Variants in CLCN5 observed in about 807,000 individuals in gnomAD.
The protein encoded by CLCN5 is Cl-/H+ antiporter 5.
CLCN5 carries 17 observed loss-of-function variants against 54.0 expected under a neutral mutation model. That is an observed-to-expected ratio of 0.31 (90% CI 0.22 to 0.47). The LOEUF is 0.47. CLCN5 is among the 20% of genes least tolerant of loss of function. The pLI, the probability that CLCN5 is intolerant of heterozygous loss-of-function variation, is 1.00. For missense variants in CLCN5, 448 were observed against 646.7 expected (o/e 0.69, Z 3.33); for synonymous variants, 222 against 233.0 (o/e 0.95, Z 0.43).
chrX:50,015,613 G>C (rs1930750890), intron 3 of CLCN5, among the ~76,000 whole-genome samples: 3 of 109,024 alleles, frequency 2.8e-5, no homozygotes, highest in Non-Finnish European at 5.7e-5. Context: ...CTCTCACCTA[G>C]GGAGTACAGG....
intron 7 of CLCN5, among the ~76,000 whole-genome samples, chrX:50,078,948 A>G (rs980655575): frequency 4.5e-5 from 5 of 111,478 alleles, no homozygotes; most frequent in Non-Finnish European, 7.6e-5. Flanking sequence ...TCAGCCTCCC[A>G]AGTAGCTGGG....
rs570003821 is a variant in CLCN5 at position 50,006,288 on chromosome X, A to G, written c.17-36028A>G. ...GAGCCCTCTCTTCCCTCTTTGTCACATATGAGTTGGGTACATATGCTGACA... is the reference window on the plus strand; with the variant it reads ...GAGCCCTCTCTTCCCTCTTTGTCACGTATGAGTTGGGTACATATGCTGACA... On this transcript the variant is annotated intron_variant, in intron 3 of 14. Transcript: ENST00000376091. Among the ~76,000 whole-genome samples, 17 of 112,652 alleles carry G rather than the reference A, an allele frequency of 1.5e-4. No individual in the cohort carries two copies. In the Middle Eastern group the frequency reaches 0.014, roughly 92 times the overall value.
At chrX:49,987,657 A>G (rs1262389080) in intron 3 of CLCN5, among the ~76,000 whole-genome samples, 1 of 111,505 alleles carries the variant, frequency 9.0e-6, no homozygotes, top group Non-Finnish European at 1.9e-5. Flanking sequence ...TCAACTTTAT[A>G]TGATGGTGTT....
rs1285180274 is a variant in CLCN5 at position 50,081,943 on chromosome X, G to A, written c.933+96G>A. ...ATTTGAGAGTTCTACCAATGTTAAT[G>A]CAAACACCCTTTGACCCAGCAATTC... On this transcript the variant is annotated intron_variant, in intron 9 of 14. Coordinates refer to ENST00000376091, the MANE Select transcript of CLCN5 (RefSeq NM_001127898.4). 1.2e-5 allele frequency: 9 copies of A among 771,971 alleles called. No homozygotes were observed. The African/African-American group carries it at 1.5e-4, about 12-fold the overall frequency. 63.6% of individuals were successfully genotyped at this position (771,971 alleles called of 1,213,427 possible). A position where few individuals can be genotyped will look rare whatever the true frequency, so the allele number is the denominator to read the frequency against.
At chrX:50,000,352 A>C (rs1370765991) in intron 3 of CLCN5, among the ~76,000 whole-genome samples, 1 of 108,532 alleles carries the variant, frequency 9.2e-6, no homozygotes, top group African/African-American at 3.4e-5. Context: ...GGTTATTACA[A>C]CCTCCCAATG....
chrX:50,056,417 A>G (rs1328446480), intron 4 of CLCN5, among the ~76,000 whole-genome samples: 1 of 111,413 alleles, frequency 9.0e-6, no homozygotes, highest in Non-Finnish European at 1.9e-5. Context: ...TACAATTGAG[A>G]AGGAAGGAAT....
chrX:49,937,700 A>G lies in CLCN5; in HGVS notation c.16+12386A>G, dbSNP rs143983989. On this transcript the variant is annotated intron_variant, in intron 3 of 14. Coordinates refer to ENST00000376091, the MANE Select transcript of CLCN5 (RefSeq NM_001127898.4). ...CTGGGTATATTAATAACTAAACAGC[A>G]TAGTAATTGTATTCCAGACTACAAT... 2.2e-3 allele frequency among the ~76,000 whole-genome samples: 250 copies of G among 112,326 alleles called. 7 individuals are homozygous for G. The East Asian group carries it at 0.063, about 28-fold the overall frequency.
At chrX:49,956,045 C>T (rs1411492414) in intron 3 of CLCN5, among the ~76,000 whole-genome samples, 1 of 112,125 alleles carries the variant, frequency 8.9e-6, no homozygotes, top group Non-Finnish European at 1.9e-5. Context: ...CTCTTGCCTT[C>T]ACTCTGCTTT....
At chrX:49,937,475 G>T (rs1258869336) in intron 3 of CLCN5, among the ~76,000 whole-genome samples, 1 of 111,944 alleles carries the variant, frequency 8.9e-6, no homozygotes, top group Non-Finnish European at 1.9e-5. Context: ...GTTGAGGTGA[G>T]AGATCAGGTC....
chrX:50,037,707 G>A (rs1386602290), intron 3 of CLCN5, among the ~76,000 whole-genome samples: 9 of 112,047 alleles, frequency 8.0e-5, no homozygotes, highest in African/African-American at 2.9e-4. Flanking sequence ...GTTAATGAAG[G>A]GGAAGGTACA....
At chrX:50,089,628 G>A (rs1312020816) in intron 12 of CLCN5, among the ~76,000 whole-genome samples, 2 of 112,354 alleles carry the variant, frequency 1.8e-5, no homozygotes, top group Non-Finnish European at 3.8e-5. Context: ...GCTCACACCT[G>A]TAATCCTAGC....
At chrX:49,932,055 A>G (rs782295769) in intron 3 of CLCN5, among the ~76,000 whole-genome samples, 4 of 111,586 alleles carry the variant, frequency 3.6e-5, no homozygotes, top group African/African-American at 1.3e-4. Flanking sequence ...AGCCGGGTCT[A>G]CAGGCACGCA....
rs782360115 is a variant in CLCN5 at position 49,925,293 on chromosome X, A to G, written c.-6A>G. ...TGACCCCAGCGTGGGTGAAGATAGGATCAAGATGGCCATGTGGCAGGGTAA... is the reference window on the plus strand; with the variant it reads ...TGACCCCAGCGTGGGTGAAGATAGGGTCAAGATGGCCATGTGGCAGGGTAA... On this transcript the variant is annotated 5_prime_UTR_variant, in exon 3 of 15. Coordinates refer to ENST00000376091, the MANE Select transcript of CLCN5 (RefSeq NM_001127898.4). 8.3e-7 allele frequency: 1 copy of G among 1,210,373 alleles called. No homozygotes were observed. The highest frequency in any genetic ancestry group is 1.8e-5 in the South Asian group (1 of 56,916).
chrX:49,979,542 A>G (rs1424997513), intron 3 of CLCN5, among the ~76,000 whole-genome samples: 1 of 111,757 alleles, frequency 8.9e-6, no homozygotes, highest in Non-Finnish European at 1.9e-5. Context: ...AATATAATTC[A>G]TTTTCTGACA....
intron 4 of CLCN5, among the ~76,000 whole-genome samples, chrX:50,059,885 A>G (rs1367582142): frequency 2.8e-5 from 3 of 107,873 alleles, no homozygotes; most frequent in Non-Finnish European, 5.7e-5. Context: ...ATATATTTTT[A>G]TGTACCAAAA....
chrX:50,069,618 C>T lies in CLCN5; in HGVS notation c.164-261C>T, dbSNP rs192868440. 2,494 of 884,560 alleles carry T rather than the reference C, an allele frequency of 2.8e-3. 2 individuals carry two copies. Among genetic ancestry groups the T allele is most frequent in the Middle Eastern group, 4.2e-3 (8 of 1,924 alleles). 72.9% of individuals were successfully genotyped at this position (884,560 alleles called of 1,213,427 possible). On this transcript the variant is annotated intron_variant, in intron 4 of 14. Transcript: ENST00000376091. Reference sequence around the variant, plus strand: ...GTTTCATAAATCCTTTCCCATTGCACATCAACTCCTGTCTCTCTTTGTACT... The same window carrying T: ...GTTTCATAAATCCTTTCCCATTGCATATCAACTCCTGTCTCTCTTTGTACT...
intron 4 of CLCN5, chrX:50,067,871 G>T (rs1221204736): frequency 4.0e-6 from 1 of 248,339 alleles, no homozygotes; most frequent in African/African-American, 3.0e-5. Context: ...TGCTCTTTGA[G>T]AGGGGCCTGA....
chrX:50,012,429 T>C (rs138811624), intron 3 of CLCN5, among the ~76,000 whole-genome samples: 1 of 112,456 alleles, frequency 8.9e-6, no homozygotes, highest in African/African-American at 3.2e-5. Context: ...CTTTGTATGG[T>C]CATAGGAAAA....
At chrX:49,941,920 CTTTTTTT>C (rs782574821) in intron 3 of CLCN5, among the ~76,000 whole-genome samples, 21 of 60,572 alleles carry the variant, frequency 3.5e-4, no homozygotes, top group African/African-American at 8.6e-4. Flanking sequence ...CAATCAGTAT[CTTTTTTT>C]TTTTTTTTTT....
Sources: gnomAD v4.1 joint callset for allele counts (sites outside exome capture counted in the v4.1 genomes callset) on GRCh38, gnomAD v4.1.1 for gene constraint, MANE v1.5 for transcripts, NCBI Gene and HGNC (gene_info 2026-07-23, HGNC 2026-07-21) for gene names.